Variants in ZNF385D observed in about 807,000 individuals in gnomAD.
ZNF385D encodes zinc finger protein 385D.
A neutral mutation model predicts 35.8 loss-of-function variants in ZNF385D; 15 were observed. The ratio of observed to expected loss-of-function variants is 0.42; its 90% CI spans 0.28 to 0.64. The LOEUF (loss-of-function observed/expected upper bound fraction) is 0.64. Among genes scored for constraint, ZNF385D ranks in the 30% least tolerant of loss-of-function variants. ZNF385D has a pLI of 0.23. For missense variants in ZNF385D, 474 were observed against 494.6 expected, an observed-to-expected ratio of 0.96 and a Z score of 0.39; for synonymous variants, 212 against 186.8, an observed-to-expected ratio of 1.13 and a Z score of -1.10.
chr3:21,492,216 G>A (rs1705473853), intron 4 of ZNF385D, among the ~76,000 whole-genome samples: 2 of 152,012 alleles, frequency 1.3e-5, no homozygotes, highest in East Asian at 1.9e-4. Flanking sequence ...ATAAAGCAAA[G>A]TCTTTCTAAG....
chr3:21,498,769 C>A (rs933021225), intron 4 of ZNF385D, among the ~76,000 whole-genome samples: 3 of 151,844 alleles, frequency 2.0e-5, no homozygotes, highest in African/African-American at 4.8e-5. Flanking sequence ...TGGTGAAACC[C>A]CGTCTCTACT....
intron 3 of ZNF385D, among the ~76,000 whole-genome samples, chr3:21,994,379 T>C (rs540609576): frequency 2.7e-3 from 404 of 152,346 alleles, no homozygotes; most frequent in Non-Finnish European, 4.2e-3. Flanking sequence ...AGTTCCAGAA[T>C]TTATGGGTTT....
chr3:22,166,060 C>A (rs1318726426), intron 3 of ZNF385D, among the ~76,000 whole-genome samples: 1 of 128,432 alleles, frequency 7.8e-6, no homozygotes, highest in Non-Finnish European at 1.9e-5. Flanking sequence ...GGCCCTGATC[C>A]TACCATTCTT....
At chr3:22,089,433 A>T (rs1701211389) in intron 3 of ZNF385D, among the ~76,000 whole-genome samples, 1 of 152,192 alleles carries the variant, frequency 6.6e-6, no homozygotes. Flanking sequence ...AAAGGGTTTT[A>T]TTTCCTGGTA....
chr3:21,987,664 G>A (rs1242044416), intron 3 of ZNF385D, among the ~76,000 whole-genome samples: 74 of 141,372 alleles, frequency 5.2e-4, no homozygotes, highest in South Asian at 7.3e-4. Flanking sequence ...TGCTCTTCTC[G>A]AGGAGTATCT....
chr3:22,234,344 C>G (rs1415920927), intron 2 of ZNF385D, among the ~76,000 whole-genome samples: 1 of 152,096 alleles, frequency 6.6e-6, no homozygotes, highest in Non-Finnish European at 1.5e-5. Context: ...AAAGATCACC[C>G]TAGTGCTTTT....
intron 4 of ZNF385D, among the ~76,000 whole-genome samples, chr3:21,468,540 C>G (rs951693835): frequency 1.3e-5 from 2 of 151,508 alleles, no homozygotes; most frequent in African/African-American, 4.9e-5. Flanking sequence ...GGGAATACTA[C>G]TCAGCAATAA....
At chr3:21,989,322 T>C (rs950431986) in intron 3 of ZNF385D, among the ~76,000 whole-genome samples, 3 of 152,188 alleles carry the variant, frequency 2.0e-5, no homozygotes, top group East Asian at 3.9e-4. Context: ...GACTGGACTT[T>C]GGTCTCCTAG....
intron 4 of ZNF385D, among the ~76,000 whole-genome samples, chr3:21,491,730 T>C (rs1705437443): frequency 6.6e-6 from 1 of 152,156 alleles, no homozygotes; most frequent in East Asian, 1.9e-4. Flanking sequence ...AGTGTCAGAA[T>C]TGAATAGTTA....
intron 3 of ZNF385D, among the ~76,000 whole-genome samples, chr3:21,813,368 G>A (rs544087476): frequency 3.3e-5 from 5 of 152,210 alleles, no homozygotes; most frequent in Admixed American, 6.5e-5. Flanking sequence ...GTTGACAGAA[G>A]TAGGCCTCAG....
intron 3 of ZNF385D, among the ~76,000 whole-genome samples, chr3:22,018,440 GATATTA>G (rs897301600): frequency 5.9e-5 from 9 of 151,648 alleles, no homozygotes; most frequent in South Asian, 4.2e-4. Flanking sequence ...TACCTTCAAA[GATATTA>G]ATATTGTCTT....
At chr3:21,532,926 G>C (rs561728418) in intron 3 of ZNF385D, among the ~76,000 whole-genome samples, 44 of 152,236 alleles carry the variant, frequency 2.9e-4, no homozygotes, top group African/African-American at 1.0e-3. Context: ...AATATCACTT[G>C]CCTCTGATTT....
intron 3 of ZNF385D, among the ~76,000 whole-genome samples, chr3:22,114,260 T>C (rs966232796): frequency 3.9e-5 from 6 of 152,044 alleles, no homozygotes; most frequent in Non-Finnish European, 7.4e-5. Context: ...AATATTTATA[T>C]TGGTGAAATA....
chr3:22,073,992 G>T (rs747484399), intron 3 of ZNF385D, among the ~76,000 whole-genome samples: 2 of 151,822 alleles, frequency 1.3e-5, no homozygotes, highest in Admixed American at 1.3e-4. Flanking sequence ...TTATACTAAA[G>T]TACATTGTCT....
chr3:21,482,837 T>C (rs1291658497), intron 4 of ZNF385D, among the ~76,000 whole-genome samples: 1 of 152,106 alleles, frequency 6.6e-6, no homozygotes, highest in Admixed American at 6.6e-5. Flanking sequence ...AATTTTTACT[T>C]TGAAATAATT....
chr3:21,823,906 A>G (rs954255152), intron 3 of ZNF385D, among the ~76,000 whole-genome samples: 2 of 152,230 alleles, frequency 1.3e-5, no homozygotes, highest in African/African-American at 4.8e-5. Context: ...TGAATTGCAC[A>G]GAGCTGTACA....
intron 3 of ZNF385D, among the ~76,000 whole-genome samples, chr3:21,835,962 T>G (rs1418348771): frequency 1.3e-5 from 2 of 151,922 alleles, no homozygotes; most frequent in African/African-American, 4.8e-5. Flanking sequence ...CCATTTTGAG[T>G]TGAGGTGAGG....
chr3:21,474,384 C>G (rs759089737), intron 4 of ZNF385D, among the ~76,000 whole-genome samples: 6 of 152,090 alleles, frequency 3.9e-5, no homozygotes, highest in Middle Eastern at 3.2e-3. Context: ...AACAAGATCT[C>G]TGGACAATGA....
chr3:21,839,361 G>A (rs577297741), intron 3 of ZNF385D, among the ~76,000 whole-genome samples: 1 of 152,166 alleles, frequency 6.6e-6, no homozygotes, highest in South Asian at 2.1e-4. Flanking sequence ...CAGTCCAAAA[G>A]CTCATCATCT....
Sources: allele counts gnomAD v4.1 joint callset (sites outside exome capture counted in the v4.1 genomes callset), GRCh38; gene constraint gnomAD v4.1.1; transcripts MANE v1.5; gene names NCBI Gene and HGNC (gene_info 2026-07-23, HGNC 2026-07-21).